SYNPR: variants seen among roughly 807,000 people sequenced by gnomAD.
The protein encoded by SYNPR is synaptoporin.
A neutral mutation model predicts 32.9 loss-of-function variants in SYNPR; 23 were observed. The observed-to-expected ratio is 0.70, with a 90% CI of 0.50 to 0.99. SYNPR has a LOEUF of 0.99. Among genes scored for constraint, SYNPR ranks in the 50% least tolerant of loss-of-function variants. SYNPR has a pLI of 0.00. For missense variants in SYNPR, 318 were observed against 349.3 expected, an observed-to-expected ratio of 0.91 and a Z score of 0.71; for synonymous variants, 146 against 135.9, an observed-to-expected ratio of 1.07 and a Z score of -0.52.
chr3:63,339,900 G>C (rs1437018548), intron 2 of SYNPR, among the ~76,000 whole-genome samples: 1 of 152,076 alleles, frequency 6.6e-6, no homozygotes, highest in Non-Finnish European at 1.5e-5. Context: ...CAGGTGATCT[G>C]CCCGCCTCGG....
chr3:63,585,836 C>T (rs1034313472), intron 4 of SYNPR, among the ~76,000 whole-genome samples: 1 of 152,018 alleles, frequency 6.6e-6, no homozygotes, highest in Non-Finnish European at 1.5e-5. Flanking sequence ...AAATAAAAGC[C>T]TATGAAGTCA....
At chr3:63,565,478 A>G (rs1459133999) in intron 4 of SYNPR, among the ~76,000 whole-genome samples, 1 of 152,224 alleles carries the variant, frequency 6.6e-6, no homozygotes, top group Non-Finnish European at 1.5e-5. Flanking sequence ...GGTAGAAGGC[A>G]GAAGAGAAAC....
chr3:63,509,648 T>A (rs1701657379), intron 3 of SYNPR, among the ~76,000 whole-genome samples: 1 of 152,032 alleles, frequency 6.6e-6, no homozygotes, highest in Admixed American at 6.6e-5. Context: ...AAATTGTCAG[T>A]TCATTCAGAA....
At chr3:63,274,615 T>C (rs1421948534), upstream of SYNPR, among the ~76,000 whole-genome samples, 1 of 152,244 alleles carries the variant, frequency 6.6e-6, no homozygotes, top group Non-Finnish European at 1.5e-5. Flanking sequence ...GTGTAAGCTT[T>C]GGGAAGACAG....
At chr3:63,291,828 T>TTCTCTC (rs140571848) in intron 2 of SYNPR, among the ~76,000 whole-genome samples, 7 of 149,728 alleles carry the variant, frequency 4.7e-5, no homozygotes, top group South Asian at 4.2e-4. Context: ...GTTTCTTTCT[T>TTCTCTC]TCTCTCTCTC....
At chr3:63,210,851 C>T in the SYNPR span, among the ~76,000 whole-genome samples, 1 of 150,234 alleles carries the variant, frequency 6.7e-6, no homozygotes, top group Non-Finnish European at 1.5e-5. Flanking sequence ...TCCTCACTTC[C>T]TTTTTAAAAA....
rs185546917 is a variant in SYNPR, at chr3:63,237,786, G to C, written n.66+9406G>C. Among the ~76,000 whole-genome samples, 6 of 152,084 alleles carry C rather than the reference G, an allele frequency of 3.9e-5. No individual in the cohort carries two copies. The East Asian group carries it at 9.7e-4, about 25-fold the overall frequency. The stretch of plus-strand genomic sequence containing the variant: ...TTTGAGGTGATGTTTTGGTCTGCTT[G>C]GTTTAAATGGTGCCTGAGAAGCTCC... On this transcript the variant is annotated intron_variant and non_coding_transcript_variant, in intron 1 of 4. Coordinates refer to the SYNPR transcript ENST00000478456.
At chr3:63,388,641 T>C (rs1016040406) in intron 2 of SYNPR, among the ~76,000 whole-genome samples, 2 of 150,966 alleles carry the variant, frequency 1.3e-5, no homozygotes, top group African/African-American at 4.9e-5. Context: ...AGGGTGGTCT[T>C]GATCTTCTGA....
At chr3:63,343,268 G>A (rs2087391547) in intron 2 of SYNPR, among the ~76,000 whole-genome samples, 1 of 152,166 alleles carries the variant, frequency 6.6e-6, no homozygotes, top group African/African-American at 2.4e-5. Context: ...AGCTTTTCAT[G>A]GTTTTAAGCA....
intron 3 of SYNPR, 87 bp from the exon 4 acceptor site, chr3:63,556,456 C>G: frequency 1.7e-6 from 2 of 1,202,714 alleles, no homozygotes; most frequent in Non-Finnish European, 1.2e-6. Flanking sequence ...GATCACATCC[C>G]ATTTTGCTTT....
At chr3:63,365,359 G>C (rs771748613) in intron 2 of SYNPR, among the ~76,000 whole-genome samples, 5 of 152,172 alleles carry the variant, frequency 3.3e-5, no homozygotes, top group Admixed American at 1.3e-4. Context: ...GACTGGACGT[G>C]GGGGTGGGTT....
chr3:63,405,785 A>G (rs1336013372), intron 2 of SYNPR, among the ~76,000 whole-genome samples: 1 of 152,208 alleles, frequency 6.6e-6, no homozygotes, highest in Non-Finnish European at 1.5e-5. Context: ...AATGGATTTG[A>G]AAAGAACATT....
intron 2 of SYNPR, among the ~76,000 whole-genome samples, chr3:63,400,368 C>A (rs1348439115): frequency 6.6e-6 from 1 of 152,196 alleles, no homozygotes; most frequent in African/African-American, 2.4e-5. Context: ...CATGAAACTG[C>A]AATCGAGATG....
intron 2 of SYNPR, among the ~76,000 whole-genome samples, chr3:63,266,766 T>C (rs2086493773): frequency 6.6e-6 from 1 of 151,574 alleles, no homozygotes. Flanking sequence ...CATCCGCATG[T>C]GTCTCACTTG....
chr3:63,295,952 G>T (rs780543446), intron 2 of SYNPR, among the ~76,000 whole-genome samples: 1 of 152,198 alleles, frequency 6.6e-6, no homozygotes, highest in Non-Finnish European at 1.5e-5. Context: ...TCCTCTCCCA[G>T]GTTGGTTAGC....
At chr3:63,498,690 C>T (rs181067351) in intron 3 of SYNPR, among the ~76,000 whole-genome samples, 11 of 152,032 alleles carry the variant, frequency 7.2e-5, no homozygotes, top group East Asian at 1.9e-4. Context: ...ACTAGTGTGG[C>T]GAGACCACAG....
chr3:63,408,484 G>A (rs911615476), intron 2 of SYNPR, among the ~76,000 whole-genome samples: 1 of 152,154 alleles, frequency 6.6e-6, no homozygotes, highest in Non-Finnish European at 1.5e-5. Context: ...GAAGCTGGTA[G>A]TATGTCTCAA....
At chr3:63,392,831 T>A (rs1284601658) in intron 2 of SYNPR, among the ~76,000 whole-genome samples, 1 of 152,210 alleles carries the variant, frequency 6.6e-6, no homozygotes, top group East Asian at 1.9e-4. Flanking sequence ...AAATTATTTT[T>A]GGAAAAAAAC....
chr3:63,323,160 GC>G (rs2087128911), intron 2 of SYNPR, among the ~76,000 whole-genome samples: 1 of 152,044 alleles, frequency 6.6e-6, no homozygotes, highest in South Asian at 2.1e-4. Context: ...CTGGGGAAGA[GC>G]TTTTGATGTT....
Sources: gnomAD v4.1 joint callset for allele counts (sites outside exome capture counted in the v4.1 genomes callset) on GRCh38, gnomAD v4.1.1 for gene constraint, MANE v1.5 for transcripts, NCBI Gene and HGNC (gene_info 2026-07-23, HGNC 2026-07-21) for gene names.